The following ECT2L variants were observed in gnomAD, a reference collection of about 807,000 sequenced individuals.
ECT2L encodes the protein epithelial cell transforming 2 like, also known as epithelial cell-transforming sequence 2 oncogene-like.
ECT2L carries 126 observed loss-of-function variants against 122.8 expected under a neutral mutation model. The ratio of observed to expected loss-of-function variants is 1.03; its 90% CI spans 0.89 to 1.19. ECT2L has a LOEUF of 1.19. ECT2L is among the 50% of genes most tolerant of loss of function. The pLI is 0.00. For missense variants in ECT2L, 1,012 were observed against 1,064.1 expected (o/e 0.95, Z 0.68); for synonymous variants, 385 against 381.8 (o/e 1.01, Z -0.10).
At chr6:138,888,443 T>C (rs1000535976) in intron 19 of ECT2L, among the ~76,000 whole-genome samples, 1 of 150,802 alleles carries the variant, frequency 6.6e-6, no homozygotes, top group East Asian at 2.0e-4. Context: ...CCCAAGTAGC[T>C]AGGACTACCG....
chr6:138,844,288 C>T, intron 6 of ECT2L, 124 bp from the exon 7 acceptor site: 1 of 1,113,004 alleles, frequency 9.0e-7, no homozygotes, highest in South Asian at 1.7e-5. Context: ...ATGAAAATGG[C>T]TGTAATTATT....
intron 4 of ECT2L, among the ~76,000 whole-genome samples, chr6:138,820,052 C>T (rs902474426): frequency 2.6e-5 from 4 of 152,140 alleles, no homozygotes; most frequent in African/African-American, 4.8e-5. Context: ...TGATTACTGG[C>T]CCAGCCAAGC....
At chr6:138,897,297 G>A (rs1052495259) in intron 20 of ECT2L, among the ~76,000 whole-genome samples, 1 of 151,884 alleles carries the variant, frequency 6.6e-6, no homozygotes, top group African/African-American at 2.4e-5. Context: ...ACACCCATGG[G>A]TTCAACTGAG....
chr6:138,881,325 G>C (rs909916994), intron 15 of ECT2L, among the ~76,000 whole-genome samples, 154 bp downstream of exon 15: 1 of 151,852 alleles, frequency 6.6e-6, no homozygotes, highest in African/African-American at 2.4e-5. Context: ...ATTACCTACC[G>C]GGCTGCAACC....
intron 15 of ECT2L, among the ~76,000 whole-genome samples, chr6:138,882,089 A>C (rs927205104): frequency 6.6e-6 from 1 of 152,236 alleles, no homozygotes; most frequent in Non-Finnish European, 1.5e-5. Context: ...CCCAAGGCTG[A>C]GGGTCAGTTT....
rs1421793370 is a variant in ECT2L at position 138,843,225 on chromosome 6, C to T, written c.589C>T (p.Arg197Cys). 14 of 1,596,526 alleles carry T rather than the reference C, an allele frequency of 8.8e-6. No homozygotes were observed. The highest frequency in any genetic ancestry group is 6.7e-5 in the African/African-American group (5 of 74,114). Residue 197 changes from arginine (R) to cysteine (C), a missense_variant, in exon 6 of 22, where the codon CGT (arginine) becomes TGT (cysteine). Transcript: ENST00000541398. ...AAGAATTTGGGAGAAAATTGCACTA[C>T]GTAAGAGTAAGTAGCATTTTAAACC... ...RKRIWEKIAL[R>C]KKELFKVRPP...
intron 20 of ECT2L, among the ~76,000 whole-genome samples, chr6:138,893,185 G>GTTTTT (rs376508418): frequency 8.1e-6 from 1 of 122,728 alleles, no homozygotes. Flanking sequence ...TTTTTTTTTT[G>GTTTTT]TTTTTTTTTG....
At chr6:138,809,151 A>G (rs1425910498) in intron 1 of ECT2L, among the ~76,000 whole-genome samples, 1 of 152,202 alleles carries the variant, frequency 6.6e-6, no homozygotes, top group Non-Finnish European at 1.5e-5. Flanking sequence ...TCATTTTACC[A>G]TTAGTGTCAT....
chr6:138,849,888 A>AACG (rs1777372798), intron 9 of ECT2L, among the ~76,000 whole-genome samples: 4 of 152,026 alleles, frequency 2.6e-5, no homozygotes, highest in African/African-American at 9.7e-5. Flanking sequence ...GTTTTTTCAA[A>AACG]TTTTGATTAA....
chr6:138,870,599 C>T (rs923356765), intron 13 of ECT2L, among the ~76,000 whole-genome samples: 1 of 13,394 alleles, frequency 7.5e-5, no homozygotes, highest in Non-Finnish European at 1.1e-4. Context: ...TTTGCTTTGA[C>T]ATTTATGAGC....
chr6:138,810,931 TGTGA>T (rs1169518994), intron 1 of ECT2L, among the ~76,000 whole-genome samples: 29 of 152,276 alleles, frequency 1.9e-4, no homozygotes, highest in African/African-American at 5.8e-4. Flanking sequence ...CTTAAAAATG[TGTGA>T]GTGAGTGTGT....
chr6:138,872,796 C>T (rs1010885180), intron 13 of ECT2L, among the ~76,000 whole-genome samples: 13 of 152,200 alleles, frequency 8.5e-5, no homozygotes, highest in African/African-American at 3.1e-4. Context: ...CTTTCACCCA[C>T]CTTTATTCCT....
In ECT2L at chr6:138,892,803, A is replaced by G. The variant is rs376158202; in HGVS notation, c.2414+3772A>G. ...CCACCATGCCCAGCCAGCACCGCTT[A>G]TAACTTTTTGTTGAATAGCAGACAC... On this transcript the variant is annotated intron_variant, in intron 20 of 21. Coordinates refer to ENST00000541398, the MANE Select transcript of ECT2L (RefSeq NM_001077706.3). Among the ~76,000 whole-genome samples the G allele has an allele frequency of 2.6e-5, 4 of 152,184 alleles. No individual in the cohort carries two copies. The East Asian group carries it at 5.8e-4, about 22-fold the overall frequency.
At chr6:138,873,143 C>A (rs1778313375) in intron 13 of ECT2L, among the ~76,000 whole-genome samples, 1 of 152,150 alleles carries the variant, frequency 6.6e-6, no homozygotes, top group African/African-American at 2.4e-5. Context: ...TTCCTCATTG[C>A]TGGAAATCAG....
intron 4 of ECT2L, among the ~76,000 whole-genome samples, chr6:138,817,358 G>A (rs2128375569): frequency 6.6e-6 from 1 of 152,148 alleles, no homozygotes; most frequent in East Asian, 1.9e-4. Context: ...CATTTCTTTT[G>A]GATCATTTAT....
chr6:138,812,586 T>C (rs573594822), intron 1 of ECT2L, among the ~76,000 whole-genome samples: 27 of 152,218 alleles, frequency 1.8e-4, no homozygotes, highest in African/African-American at 6.0e-4. Context: ...GGCAGATCAT[T>C]TGAGGTCTGT....
At chr6:138,883,191 C>T (rs1283301099) in intron 16 of ECT2L, among the ~76,000 whole-genome samples, 2 of 152,190 alleles carry the variant, frequency 1.3e-5, no homozygotes, top group African/African-American at 2.4e-5. Flanking sequence ...CTACTACAAT[C>T]CTGTGTATCC....
At chr6:138,832,956 T>TG (rs1182726084) in intron 4 of ECT2L, among the ~76,000 whole-genome samples, 1 of 152,002 alleles carries the variant, frequency 6.6e-6, no homozygotes, top group Non-Finnish European at 1.5e-5. Flanking sequence ...CTGCATGGGT[T>TG]GGGGGGCCTC....
chr6:138,812,380 T>C (rs1273804139), intron 1 of ECT2L, among the ~76,000 whole-genome samples: 2 of 152,268 alleles, frequency 1.3e-5, no homozygotes, highest in Non-Finnish European at 2.9e-5. Context: ...TGTTTTAAGC[T>C]GAAAAATGCT....
Sources: allele counts gnomAD v4.1 joint callset (sites outside exome capture counted in the v4.1 genomes callset), GRCh38; gene constraint gnomAD v4.1.1; transcripts MANE v1.5; gene names NCBI Gene and HGNC (gene_info 2026-07-23, HGNC 2026-07-21).